ABCD3: variants seen among roughly 807,000 people sequenced by gnomAD.
ABCD3 encodes ATP binding cassette subfamily D member 3.
In ABCD3, 41 loss-of-function variants were observed where a neutral mutation model predicts 105.5. That is an observed-to-expected ratio of 0.39 (90% CI 0.30 to 0.50). ABCD3 has a LOEUF of 0.50. Among genes scored for constraint, ABCD3 ranks in the 20% least tolerant of loss-of-function variants. The pLI is 0.84. For missense variants in ABCD3, 622 were observed against 806.3 expected, an observed-to-expected ratio of 0.77 and a Z score of 2.77; for synonymous variants, 258 against 269.0, an observed-to-expected ratio of 0.96 and a Z score of 0.40.
chr1:94,497,133 C>T (rs994398842), intron 16 of ABCD3, among the ~76,000 whole-genome samples: 1 of 152,146 alleles, frequency 6.6e-6, no homozygotes, highest in African/African-American at 2.4e-5. Context: ...TCCTCACCCG[C>T]TCCCAAGTTC....
At chr1:94,502,706 G>C (rs1457510156) in intron 20 of ABCD3, among the ~76,000 whole-genome samples, 1 of 151,908 alleles carries the variant, frequency 6.6e-6, no homozygotes, top group Non-Finnish European at 1.5e-5. Flanking sequence ...CACCATGTTG[G>C]CCAGGCTGGT....
chr1:94,458,061 T>G (rs1647669029), intron 1 of ABCD3, among the ~76,000 whole-genome samples: 1 of 152,190 alleles, frequency 6.6e-6, no homozygotes, highest in Non-Finnish European at 1.5e-5. Context: ...TAGCCTAGAC[T>G]AGTAGTCAGA....
chr1:94,400,352 C>G, the ABCD3 span, among the ~76,000 whole-genome samples: 1 of 150,634 alleles, frequency 6.6e-6, no homozygotes, highest in Non-Finnish European at 1.5e-5. Context: ...TGCAATGAGC[C>G]GAGATCGCGC....
intron 22 of ABCD3, 62 bp from the exon 23 acceptor site, chr1:94,516,990 A>G (rs1375485256): frequency 2.6e-6 from 3 of 1,146,048 alleles, no homozygotes; most frequent in Non-Finnish European, 4.0e-6. Flanking sequence ...TTTACTTTTC[A>G]TAAAAGACAG....
At chr1:94,431,526 C>T (rs1039114739) in intron 1 of ABCD3, among the ~76,000 whole-genome samples, 2 of 152,030 alleles carry the variant, frequency 1.3e-5, no homozygotes, top group African/African-American at 4.8e-5. Context: ...TCAAAAAAAA[C>T]CAACAAACAT....
intron 1 of ABCD3, among the ~76,000 whole-genome samples, chr1:94,419,792 A>G (rs1557655726): frequency 2.0e-5 from 3 of 152,304 alleles, no homozygotes; most frequent in Non-Finnish European, 4.4e-5. Context: ...TCCTAAATCC[A>G]TTTAACAGAG....
chr1:94,407,658 A>C, the ABCD3 span, among the ~76,000 whole-genome samples: 7 of 152,198 alleles, frequency 4.6e-5, no homozygotes, highest in African/African-American at 1.7e-4. Flanking sequence ...GGCTAGACTA[A>C]AAACTGAGGA....
At chr1:94,468,123 C>A in intron 4 of ABCD3, 116 bp downstream of exon 4, 1 of 797,986 alleles carries the variant, frequency 1.3e-6, no homozygotes, top group South Asian at 1.5e-5. Flanking sequence ...TAACCCAAGT[C>A]AAATTATGTG....
Position 94,498,986 on chromosome 1 carries a change from A to C in ABCD3, c.1572A>C (p.Ile524=). ...TTGGAACACTTCGAGATCAAGTGAT[A>C]TATCCAGATGGACGAGAAGATCAGA... ...MTLGTLRDQV[I]YPDGREDQKR... The change falls in exon 19 of 23, where the codon ATA becomes ATC. Residue 524 remains isoleucine (I), a synonymous_variant. Coordinates refer to ENST00000370214, the MANE Select transcript of ABCD3 (RefSeq NM_002858.4). 1 of 1,614,056 alleles carries C rather than the reference A, an allele frequency of 6.2e-7. No individual in the cohort carries two copies. The highest frequency in any genetic ancestry group is 8.5e-7 in the Non-Finnish European group (1 of 1,179,974).
the ABCD3 span, among the ~76,000 whole-genome samples, chr1:94,395,981 TC>T: frequency 6.6e-6 from 1 of 152,164 alleles, no homozygotes; most frequent in African/African-American, 2.4e-5. Context: ...TTTCCTCCAA[TC>T]TTTAAACCTG....
At chr1:94,414,800 T>A (rs1658969675), upstream of ABCD3, among the ~76,000 whole-genome samples, 1 of 152,240 alleles carries the variant, frequency 6.6e-6, no homozygotes. Flanking sequence ...CTTTTTTCCA[T>A]CTGTTTTTCA....
At chr1:94,428,005 A>C (rs891752890) in intron 1 of ABCD3, among the ~76,000 whole-genome samples, 6 of 152,160 alleles carry the variant, frequency 3.9e-5, no homozygotes, top group African/African-American at 1.4e-4. Context: ...AATACAGTGG[A>C]ACTATTATAA....
At chr1:94,413,319 A>G in the ABCD3 span, among the ~76,000 whole-genome samples, 2 of 152,178 alleles carry the variant, frequency 1.3e-5, no homozygotes, top group African/African-American at 4.8e-5. Flanking sequence ...AGGATTAAAG[A>G]AAAATAAGAT....
chr1:94,394,416 A>G, the ABCD3 span, among the ~76,000 whole-genome samples: 5 of 152,330 alleles, frequency 3.3e-5, no homozygotes, highest in African/African-American at 1.2e-4. Flanking sequence ...AGAAATGGAG[A>G]AAAAGCATTT....
chr1:94,462,354 G>A (rs1433124965), intron 2 of ABCD3, among the ~76,000 whole-genome samples: 1 of 152,138 alleles, frequency 6.6e-6, no homozygotes, highest in Non-Finnish European at 1.5e-5. Flanking sequence ...TGCCTCTATA[G>A]TTACTCTTAT....
At chr1:94,503,327 T>A (rs541212313) in intron 20 of ABCD3, among the ~76,000 whole-genome samples, 1 of 152,272 alleles carries the variant, frequency 6.6e-6, no homozygotes, top group East Asian at 1.9e-4. Context: ...ATTGGTGGAA[T>A]GCCCTCAGAT....
chr1:94,490,587 G>T, intron 15 of ABCD3, among the ~76,000 whole-genome samples: 1 of 151,764 alleles, frequency 6.6e-6, no homozygotes, highest in East Asian at 1.9e-4. Context: ...TTAAAAGTGG[G>T]GTAATATTCT....
intron 1 of ABCD3, among the ~76,000 whole-genome samples, chr1:94,447,912 T>C (rs1425380680): frequency 6.6e-6 from 1 of 152,230 alleles, no homozygotes; most frequent in Non-Finnish European, 1.5e-5. Context: ...CATTCCTACC[T>C]ATGCCATGAG....
At chr1:94,501,281 A>C (rs1302343308) in intron 20 of ABCD3, among the ~76,000 whole-genome samples, 2 of 151,734 alleles carry the variant, frequency 1.3e-5, no homozygotes, top group Non-Finnish European at 2.9e-5. Flanking sequence ...AAAAAAAAAA[A>C]AAACACATGA....
Sources: gnomAD v4.1 joint callset for allele counts (sites outside exome capture counted in the v4.1 genomes callset) on GRCh38, gnomAD v4.1.1 for gene constraint, MANE v1.5 for transcripts, NCBI Gene and HGNC (gene_info 2026-07-23, HGNC 2026-07-21) for gene names.